Variants in CTNND2 observed in about 807,000 individuals in gnomAD.
CTNND2 encodes the protein catenin delta-2.
Under a neutral mutation model 144.4 loss-of-function variants are expected in CTNND2, and 22 were observed. The observed-to-expected ratio is 0.15, with a 90% CI of 0.11 to 0.22. The LOEUF is 0.22. CTNND2 is among the 10% of genes least tolerant of loss of function. The probability of loss-of-function intolerance (pLI) is 1.00; values close to 1 mark genes in which losing one functional copy is unlikely to be tolerated. For missense variants in CTNND2, 1,353 were observed against 1,618.8 expected (o/e 0.84, Z 2.82); for synonymous variants, 751 against 695.6 (o/e 1.08, Z -1.25).
intron 9 of CTNND2, among the ~76,000 whole-genome samples, chr5:11,342,602 C>T (rs768669384): frequency 1.8e-4 from 27 of 152,116 alleles, no homozygotes; most frequent in Non-Finnish European, 3.4e-4. Context: ...TAATCAAACA[C>T]GATTAAAAGT....
intron 9 of CTNND2, among the ~76,000 whole-genome samples, chr5:11,326,946 C>T (rs377439455): frequency 6.6e-6 from 1 of 152,282 alleles, no homozygotes; most frequent in East Asian, 1.9e-4. Flanking sequence ...GACGCATGCT[C>T]GCTGTAGAGA....
At position 11,057,742 on chromosome 5, in the gene CTNND2, T is replaced by C. The variant is rs191574842; in HGVS notation, c.2788+24954A>G. ...ACAATTTGAAGGGCTCAGAATAAGA[T>C]AGAAAAATATGGGAAAGTTTGGAAC... On this transcript the variant is annotated intron_variant, in intron 16 of 21. Coordinates refer to ENST00000304623, the MANE Select transcript of CTNND2 (RefSeq NM_001332.4). Among the ~76,000 whole-genome samples the C allele has an allele frequency of 1.3e-3, 194 of 152,216 alleles. 1 individual carries two copies. Among genetic ancestry groups the C allele is most frequent in the African/African-American group, 4.1e-3 (172 of 41,538 alleles).
rs1561599849 is a variant in CTNND2 at position 11,592,165 on chromosome 5, TGCCTTCCTGCCTG to T, written c.175-27122_175-27110del. Among the ~76,000 whole-genome samples, 223 of 122,856 alleles carry T rather than the reference TGCCTTCCTGCCTG, an allele frequency of 1.8e-3. 1 individual carries two copies. Among genetic ancestry groups the T allele is most frequent in the African/African-American group, 4.9e-3 (176 of 35,798 alleles). 80.6% of individuals were successfully genotyped at this position (122,856 alleles called of 152,430 possible). On this transcript the variant is annotated intron_variant, in intron 2 of 21. Coordinates refer to ENST00000304623, the MANE Select transcript of CTNND2 (RefSeq NM_001332.4). ...CTGCCTTCCTGCCTTCCTGCCTGCC[TGCCTTCCTGCCTG>T]CCTGCCTTCCTGCCTGCCTGCCTTC...
intron 1 of CTNND2, among the ~76,000 whole-genome samples, chr5:11,884,146 C>G (rs879355586): frequency 6.6e-6 from 1 of 151,944 alleles, no homozygotes; most frequent in African/African-American, 2.4e-5. Context: ...CTCTGATGAT[C>G]GTTTCTTTTG....
chr5:11,369,392 C>T (rs73042262), intron 7 of CTNND2, among the ~76,000 whole-genome samples: 3,702 of 152,322 alleles, frequency 0.024, 151 homozygotes, highest in African/African-American at 0.084. Context: ...AAAAGGGCTA[C>T]ATATGGCTCA....
intron 2 of CTNND2, among the ~76,000 whole-genome samples, chr5:11,683,886 T>C (rs1012655575): frequency 1.3e-5 from 2 of 152,164 alleles, no homozygotes; most frequent in Non-Finnish European, 2.9e-5. Flanking sequence ...CATGTTTCAT[T>C]TCCTCACTGT....
chr5:11,193,791 TAA>T (rs1031787579), intron 11 of CTNND2, among the ~76,000 whole-genome samples: 1 of 152,190 alleles, frequency 6.6e-6, no homozygotes, highest in African/African-American at 2.4e-5. Flanking sequence ...GTTAGTGGGA[TAA>T]ATGCATCCTC....
intron 2 of CTNND2, among the ~76,000 whole-genome samples, chr5:11,618,279 T>C (rs1342564366): frequency 1.3e-5 from 2 of 152,204 alleles, no homozygotes; most frequent in African/African-American, 2.4e-5. Flanking sequence ...TTACTATAAC[T>C]ACACTGTGGA....
At chr5:11,829,937 A>G (rs1793807055) in intron 1 of CTNND2, among the ~76,000 whole-genome samples, 1 of 152,200 alleles carries the variant, frequency 6.6e-6, no homozygotes, top group Non-Finnish European at 1.5e-5. Context: ...ATAGGAACCC[A>G]TTTCTTGTAT....
intron 12 of CTNND2, among the ~76,000 whole-genome samples, chr5:11,149,804 T>G (rs1455783218): frequency 6.6e-6 from 1 of 152,184 alleles, no homozygotes; most frequent in Non-Finnish European, 1.5e-5. Context: ...TACTAAATAT[T>G]GCTTCTTCGG....
In CTNND2 at chr5:10,987,875, CAA is replaced by C. The variant is rs541977194; in HGVS notation, c.3343+234_3343+235del. ...GAAAGAATATTATGAGCTGGGCAAA[CAA>C]GAGGAAAGGACCGATAAAACATGGG... On this transcript the variant is annotated intron_variant, in intron 20 of 21. Coordinates refer to ENST00000304623, the MANE Select transcript of CTNND2 (RefSeq NM_001332.4). Among the ~76,000 whole-genome samples the C allele has an allele frequency of 3.7e-3, 569 of 152,068 alleles. 2 individuals carry two copies. Among genetic ancestry groups the C allele is most frequent in the Non-Finnish European group, 5.8e-3 (396 of 68,010 alleles).
intron 11 of CTNND2, among the ~76,000 whole-genome samples, chr5:11,160,762 G>GAT (rs1491002798): frequency 1.3e-5 from 2 of 152,108 alleles, no homozygotes; most frequent in African/African-American, 4.8e-5. Flanking sequence ...ATGAGCTTTC[G>GAT]ATATATTTTA....
chr5:11,623,800 GTGTGTATGTA>G (rs1183753855), intron 2 of CTNND2, among the ~76,000 whole-genome samples: 980 of 85,396 alleles, frequency 0.011, 6 homozygotes, highest in African/African-American at 0.027. Context: ...ATATATATAT[GTGTGTATGTA>G]TATATATATA....
intron 2 of CTNND2, among the ~76,000 whole-genome samples, chr5:11,672,587 C>G (rs1783931996): frequency 1.3e-5 from 2 of 152,252 alleles, no homozygotes; most frequent in African/African-American, 4.8e-5. Context: ...GTAAAAATCA[C>G]CCATTCAAGC....
chr5:11,591,307 T>C (rs538687474), intron 2 of CTNND2, among the ~76,000 whole-genome samples: 3 of 152,308 alleles, frequency 2.0e-5, no homozygotes, highest in Non-Finnish European at 4.4e-5. Context: ...CCTCTGACAC[T>C]GAAAACTGCA....
At chr5:11,661,370 A>G (rs1435281711) in intron 2 of CTNND2, among the ~76,000 whole-genome samples, 1 of 152,196 alleles carries the variant, frequency 6.6e-6, no homozygotes, top group Non-Finnish European at 1.5e-5. Flanking sequence ...CTAAGTTACT[A>G]GAAGGTCCCA....
intron 2 of CTNND2, among the ~76,000 whole-genome samples, chr5:11,694,359 C>T (rs571737783): frequency 2.0e-5 from 3 of 150,998 alleles, no homozygotes; most frequent in South Asian, 4.2e-4. Flanking sequence ...GGCGTGAACC[C>T]GGGAGGCGGA....
chr5:11,093,664 C>A (rs1751017259), intron 15 of CTNND2, among the ~76,000 whole-genome samples: 1 of 152,100 alleles, frequency 6.6e-6, no homozygotes, highest in African/African-American at 2.4e-5. Context: ...TTTACCTCTA[C>A]ATTTCTGTTT....
rs568380688 is a variant in CTNND2, at chr5:11,312,623, T to C, written c.1628+33749A>G. Among the ~76,000 whole-genome samples the C allele has an allele frequency of 2.2e-5, 3 of 138,846 alleles. No individual in the cohort carries two copies. In the East Asian group the frequency reaches 6.6e-4, roughly 31 times the overall value. 91.1% of individuals were successfully genotyped at this position (138,846 alleles called of 152,430 possible). A position where few individuals can be genotyped will look rare whatever the true frequency, so the allele number is the denominator to read the frequency against. On this transcript the variant is annotated intron_variant, in intron 9 of 21. Transcript: ENST00000304623. The stretch of plus-strand genomic sequence containing the variant: ...GATACAATTCAAGCTGAGATTTGGG[T>C]GGGGACACAGCCAAACCATATCACT...
Sources: gnomAD v4.1 joint callset for allele counts (sites outside exome capture counted in the v4.1 genomes callset) on GRCh38, gnomAD v4.1.1 for gene constraint, MANE v1.5 for transcripts, NCBI Gene and HGNC (gene_info 2026-07-23, HGNC 2026-07-21) for gene names.